PGM3: variants seen among roughly 807,000 people sequenced by gnomAD.
PGM3 encodes the protein phosphoacetylglucosamine mutase.
In PGM3, 40 loss-of-function variants were observed where a neutral mutation model predicts 66.2. The ratio of observed to expected loss-of-function variants is 0.60; its 90% CI spans 0.47 to 0.79. PGM3 has a LOEUF of 0.79. Ranked by LOEUF, PGM3 falls within the 30% of genes least tolerant of loss-of-function variation. The pLI, the probability that PGM3 is intolerant of heterozygous loss-of-function variation, is 0.00. For synonymous variants in PGM3, 191 were observed against 224.2 expected (o/e 0.85, Z 1.32); for missense variants, 537 against 643.4 (o/e 0.83, Z 1.79).
rs1034666850 is a variant in PGM3 at position 83,166,082 on chromosome 6, G to A, written c.*3152C>T. On this transcript the variant is annotated 3_prime_UTR_variant, in exon 13 of 13. Transcript: ENST00000513973. ...CACCTTTTGGCACACATCACAATCC[G>A]ATAGAGAAATGATTCATTATTGTTG... The A allele has an allele frequency of 1.2e-5, 4 of 336,576 alleles. No individual in the cohort carries two copies. The highest frequency in any genetic ancestry group is 8.3e-4 in the Middle Eastern group (1 of 1,206). The allele number at this position is 336,576 out of a possible 1,614,324, so 20.8% of individuals were successfully genotyped here. A position where few individuals can be genotyped will look rare whatever the true frequency, so the allele number is the denominator to read the frequency against.
downstream of PGM3, among the ~76,000 whole-genome samples, chr6:83,163,158 G>A (rs1246323878): frequency 2.6e-5 from 4 of 151,992 alleles, no homozygotes; most frequent in Non-Finnish European, 5.9e-5. Flanking sequence ...AAAAAGGAAG[G>A]CTTTTGTACA....
At chr6:83,155,865 C>T in the PGM3 span, 35 of 1,481,084 alleles carry the variant, frequency 2.4e-5, no homozygotes, top group Non-Finnish European at 3.1e-5. Context: ...TTTTGGATGT[C>T]ATAGAGCATC....
chr6:83,156,018 G>C, the PGM3 span: 1 of 1,614,100 alleles, frequency 6.2e-7, no homozygotes, highest in East Asian at 2.2e-5. Context: ...AGCTAGAACA[G>C]AGAGCTATGC....
At position 83,168,069 on chromosome 6, in the gene PGM3, A is replaced by G. The variant is rs1200852264; in HGVS notation, c.*1165T>C. On this transcript the variant is annotated 3_prime_UTR_variant, in exon 13 of 13. Coordinates refer to ENST00000513973, the MANE Select transcript of PGM3 (RefSeq NM_015599.3). ...CTCAAATGCCTTCCCTAATAAGGAC[A>G]TGAAACTGGAGAACCACAAACCATG... The G allele has an allele frequency of 1.2e-6, 2 of 1,614,252 alleles. No individual in the cohort carries two copies. The highest frequency in any genetic ancestry group is 1.3e-5 in the African/African-American group (1 of 75,066).
chr6:83,188,578 A>G, intron 3 of PGM3, 36 bp downstream of exon 3: 3 of 1,485,406 alleles, frequency 2.0e-6, no homozygotes, highest in Non-Finnish European at 2.8e-6. Flanking sequence ...CACGTTCCCA[A>G]AGGTTTTTTT....
At chr6:83,179,379 T>C (rs1471505968) in intron 7 of PGM3, among the ~76,000 whole-genome samples, 5 of 152,164 alleles carry the variant, frequency 3.3e-5, no homozygotes, top group Admixed American at 2.0e-4. Context: ...TAATTTCCAA[T>C]TACATTGTGT....
Position 83,165,680 on chromosome 6 carries a change from G to C in PGM3, c.*3554C>G, listed in dbSNP as rs1233536823. 9.3e-6 allele frequency: 2 copies of C among 215,038 alleles called. No individual in the cohort carries two copies. The highest frequency in any genetic ancestry group is 2.0e-5 in the Non-Finnish European group (2 of 100,898). 13.3% of individuals were successfully genotyped at this position (215,038 alleles called of 1,614,324 possible). A position where few individuals can be genotyped will look rare whatever the true frequency, so the allele number is the denominator to read the frequency against. ...AAACGTTGCTGAGATGCCTAAAGAA[G>C]TGGTAGTTTGTTGGCAAGAGGTCAG... On this transcript the variant is annotated 3_prime_UTR_variant, in exon 13 of 13. Transcript: ENST00000513973.
intron 12 of PGM3, among the ~76,000 whole-genome samples, chr6:83,170,084 A>G (rs1488613922): frequency 6.6e-6 from 1 of 152,246 alleles, no homozygotes. Flanking sequence ...GAAGTCTAGA[A>G]TAAGTCAAAA....
chr6:83,188,296 T>C (rs1788745891), intron 3 of PGM3, among the ~76,000 whole-genome samples: 1 of 152,068 alleles, frequency 6.6e-6, no homozygotes, highest in African/African-American at 2.4e-5. Flanking sequence ...GTGTTGACTC[T>C]GTAGGGAAAA....
chr6:83,162,371 T>C (rs886748962), downstream of PGM3, among the ~76,000 whole-genome samples: 30 of 152,122 alleles, frequency 2.0e-4, no homozygotes, highest in African/African-American at 7.2e-4. Flanking sequence ...CTAGGGAACA[T>C]TTGGCCAGTT....
chr6:83,166,005 CT>C lies in PGM3; in HGVS notation c.*3228del, dbSNP rs1785422628. ...TTTGGCTTTGGGAAGTGCTTTGGAG[CT>C]TCTTTCAGTCCAGCCACTGAGCTGG... On this transcript the variant is annotated 3_prime_UTR_variant, in exon 13 of 13. Transcript: ENST00000513973. 2 of 304,616 alleles carry C rather than the reference CT, an allele frequency of 6.6e-6. No homozygotes were observed. The highest frequency in any genetic ancestry group is 4.3e-5 in the African/African-American group (2 of 46,200). The allele number at this position is 304,616 out of a possible 1,614,324, so 18.9% of individuals were successfully genotyped here.
At chr6:83,159,805 G>A (rs998288958), downstream of PGM3, 2 of 1,614,014 alleles carry the variant, frequency 1.2e-6, no homozygotes, top group East Asian at 2.2e-5. Context: ...GGACTTCAGG[G>A]CCCTCTGTGG....
At chr6:83,171,344 T>G (rs1787069756) in intron 11 of PGM3, 1 of 152,162 alleles carries the variant, frequency 6.6e-6, no homozygotes, top group Admixed American at 6.5e-5. Flanking sequence ...AAAATCTCTT[T>G]AAAAAAGTGA....
downstream of PGM3, among the ~76,000 whole-genome samples, chr6:83,158,147 T>C (rs563192317): frequency 1.2e-4 from 18 of 152,090 alleles, no homozygotes; most frequent in East Asian, 5.8e-4. Flanking sequence ...TACAGGCACC[T>C]GCCACCACAC....
At chr6:83,163,667 C>A (rs12190346), downstream of PGM3, among the ~76,000 whole-genome samples, 15,953 of 152,130 alleles carry the variant, frequency 0.1, 1,037 homozygotes, top group Non-Finnish European at 0.15. Flanking sequence ...CAAAACAGTT[C>A]TTGCCCTTAA....
At chr6:83,153,376 A>G in the PGM3 span, 4 of 517,576 alleles carry the variant, frequency 7.7e-6, no homozygotes, top group Non-Finnish European at 1.3e-5. Flanking sequence ...TAACATAAAA[A>G]TGATTCAGGA....
intron 5 of PGM3, 66 bp from the exon 6 acceptor site, chr6:83,181,997 C>A: frequency 1.1e-6 from 1 of 944,720 alleles, no homozygotes; most frequent in Non-Finnish European, 1.6e-6. Flanking sequence ...AAATATAAAG[C>A]ATATATACAT....
intron 1 of PGM3, among the ~76,000 whole-genome samples, chr6:83,191,524 A>G (rs1335521762): frequency 1.3e-5 from 2 of 152,156 alleles, no homozygotes; most frequent in African/African-American, 4.8e-5. Flanking sequence ...TTTCTCCCAA[A>G]CTACAGAGAC....
chr6:83,151,697 C>T, the PGM3 span: 2 of 1,557,950 alleles, frequency 1.3e-6, no homozygotes, highest in East Asian at 4.5e-5. Context: ...AACTGTTTCT[C>T]AGTGCCCTCA....
Sources: gnomAD v4.1 joint callset for allele counts (sites outside exome capture counted in the v4.1 genomes callset) on GRCh38, gnomAD v4.1.1 for gene constraint, MANE v1.5 for transcripts, NCBI Gene and HGNC (gene_info 2026-07-23, HGNC 2026-07-21) for gene names.